Variants in GRAMD4 observed in about 807,000 individuals in gnomAD.
GRAMD4 encodes GRAM domain-containing protein 4.
A neutral mutation model predicts 83.9 loss-of-function variants in GRAMD4; 25 were observed. The ratio of observed to expected loss-of-function variants is 0.30; its 90% CI spans 0.22 to 0.42. The LOEUF is 0.42. GRAMD4 is among the 10% of genes least tolerant of loss of function. GRAMD4 has a pLI of 1.00. For synonymous variants in GRAMD4, 336 were observed against 320.9 expected, an observed-to-expected ratio of 1.05 and a Z score of -0.50; for missense variants, 593 against 788.7, an observed-to-expected ratio of 0.75 and a Z score of 2.97.
chr22:46,583,597 A>G (rs747233963), intron 1 of GRAMD4, among the ~76,000 whole-genome samples: 1 of 152,216 alleles, frequency 6.6e-6, no homozygotes, highest in Non-Finnish European at 1.5e-5. Flanking sequence ...ATCTCCATCC[A>G]TTGGAATTTG....
intron 1 of GRAMD4, among the ~76,000 whole-genome samples, chr22:46,606,736 T>C (rs1048010127): frequency 1.3e-5 from 2 of 152,262 alleles, no homozygotes; most frequent in Non-Finnish European, 2.9e-5. Flanking sequence ...TCATGCCCAG[T>C]GCTGAGCATC....
chr22:46,609,460 G>A (rs1240684106), intron 1 of GRAMD4, among the ~76,000 whole-genome samples: 2 of 152,258 alleles, frequency 1.3e-5, no homozygotes, highest in South Asian at 2.1e-4. Flanking sequence ...GTTGACAAAA[G>A]GGGAGGTAGT....
intron 2 of GRAMD4, among the ~76,000 whole-genome samples, chr22:46,630,827 G>A (rs1246508607): frequency 2.0e-5 from 3 of 152,228 alleles, no homozygotes; most frequent in Non-Finnish European, 4.4e-5. Flanking sequence ...GTGTGCCTGT[G>A]TGGTGGTCCT....
chr22:46,610,147 G>A (rs959588831), intron 1 of GRAMD4, among the ~76,000 whole-genome samples: 8 of 152,194 alleles, frequency 5.3e-5, no homozygotes, highest in South Asian at 4.1e-4. Flanking sequence ...CAGGGACCAC[G>A]CCTTATTCCT....
intron 1 of GRAMD4, among the ~76,000 whole-genome samples, chr22:46,614,504 C>T (rs973156162): frequency 6.6e-6 from 1 of 152,188 alleles, no homozygotes; most frequent in African/African-American, 2.4e-5. Flanking sequence ...GTGGCGTTCC[C>T]CTGCATGTCT....
Position 46,584,468 on chromosome 22 carries a change from C to A in GRAMD4, c.-50+7178C>A, listed in dbSNP as rs377281862. Among the ~76,000 whole-genome samples the A allele has an allele frequency of 6.8e-4, 103 of 152,284 alleles. 1 individual carries two copies. The highest frequency in any genetic ancestry group is 2.3e-3 in the African/African-American group (97 of 41,552). On this transcript the variant is annotated intron_variant, in intron 1 of 1. Transcript: ENST00000431155. The stretch of plus-strand genomic sequence containing the variant: ...ACTCTGATCCGTTTCCTGCATGGAT[C>A]TTTCTCGTCTCCTTTCTTGCAGATC...
At chr22:46,601,975 CTTCT>C (rs1432814164) in intron 1 of GRAMD4, among the ~76,000 whole-genome samples, 11 of 152,168 alleles carry the variant, frequency 7.2e-5, no homozygotes, top group African/African-American at 2.7e-4. Context: ...CTTGGGCATG[CTTCT>C]TTGTCTTTTT....
chr22:46,654,631 A>G (rs1368508605), intron 3 of GRAMD4, among the ~76,000 whole-genome samples: 1 of 152,170 alleles, frequency 6.6e-6, no homozygotes, highest in Non-Finnish European at 1.5e-5. Flanking sequence ...CGAATTCCCA[A>G]GTCCCCGCCT....
rs199513951 is a variant in GRAMD4 at position 46,666,805 on chromosome 22, G to A, written c.810-20G>A. 128 of 1,607,740 alleles carry A rather than the reference G, an allele frequency of 8.0e-5. 1 individual carries two copies. In the African/African-American group the frequency reaches 1.4e-3, roughly 18 times the overall value. On this transcript the variant is annotated intron_variant, in intron 9 of 18. Coordinates refer to ENST00000406902, the MANE Select transcript of GRAMD4 (RefSeq NM_015124.5). ...TCAGGTGGCGCTGTCCTAAAGGTGT[G>A]TGTGTTTTCTGTTCGCCAGGGGGTG...
chr22:46,619,299 G>A (rs1486878504), upstream of GRAMD4, among the ~76,000 whole-genome samples: 2 of 152,154 alleles, frequency 1.3e-5, no homozygotes, highest in African/African-American at 2.4e-5. Flanking sequence ...TTAGGGAGGT[G>A]CAAGTATGTG....
intron 2 of GRAMD4, among the ~76,000 whole-genome samples, chr22:46,627,405 C>T (rs889463960): frequency 6.6e-5 from 10 of 152,248 alleles, no homozygotes; most frequent in South Asian, 2.1e-4. Flanking sequence ...ATCAGCCACG[C>T]GGAATCAGGG....
At chr22:46,655,813 C>T (rs2147313703) in intron 3 of GRAMD4, among the ~76,000 whole-genome samples, 1 of 152,368 alleles carries the variant, frequency 6.6e-6, no homozygotes, top group African/African-American at 2.4e-5. Flanking sequence ...CGCCTTTGCT[C>T]AGCTCCGGGA....
Position 46,672,921 on chromosome 22 carries a change from C to T in GRAMD4, c.1163C>T (p.Thr388Met), listed in dbSNP as rs1223536842. The change falls in exon 14 of 19, where the codon ACG (threonine) becomes ATG (methionine). Residue 388 changes from threonine to methionine, a missense_variant. This residue lies in a region of GRAMD4 where 171 missense variants were observed against 199.6 expected (regional missense o/e 0.86). Coordinates refer to ENST00000406902, the MANE Select transcript of GRAMD4 (RefSeq NM_015124.5). The surrounding 1 kb of genome is among the most constrained non-coding windows in gnomAD (Gnocchi z 4.7). ...RCPRLRAKYDTPYIIWRSLPT... is the reference protein window; with the variant it reads ...RCPRLRAKYDMPYIIWRSLPT... Reference sequence around the variant, plus strand: ...CCGAGGCTGCGCGCCAAGTACGACACGCCCTATATCATCTGGAGGAGTCTC... The same window carrying T: ...CCGAGGCTGCGCGCCAAGTACGACATGCCCTATATCATCTGGAGGAGTCTC... 3.7e-6 allele frequency: 6 copies of T among 1,611,696 alleles called. No individual in the cohort carries two copies. The highest frequency in any genetic ancestry group is 1.7e-5 in the Admixed American group (1 of 59,992).
chr22:46,678,725 T>C lies in GRAMD4; in HGVS notation c.*1474T>C. 1.0e-6 allele frequency: 1 copy of C among 985,776 alleles called. No individual in the cohort carries two copies. 61.1% of individuals were successfully genotyped at this position (985,776 alleles called of 1,614,324 possible). A position where few individuals can be genotyped will look rare whatever the true frequency, so the allele number is the denominator to read the frequency against. On this transcript the variant is annotated 3_prime_UTR_variant, in exon 19 of 19. Coordinates refer to ENST00000406902, the MANE Select transcript of GRAMD4 (RefSeq NM_015124.5). ...CTTTTTCAGATGTAATTTTTATCTT[T>C]GCTCCGATCCTCATTTGCTGGTGTG...
At chr22:46,636,040 A>G (rs1453477250) in intron 2 of GRAMD4, among the ~76,000 whole-genome samples, 2 of 151,580 alleles carry the variant, frequency 1.3e-5, no homozygotes, top group African/African-American at 4.9e-5. Context: ...CTTCATGGGG[A>G]CGTTTAGCCC....
chr22:46,644,507 C>T (rs1274286646), intron 3 of GRAMD4, among the ~76,000 whole-genome samples: 10 of 152,066 alleles, frequency 6.6e-5, no homozygotes, highest in African/African-American at 2.2e-4. Flanking sequence ...TTCTGTGTTA[C>T]ACCTGCCCCT....
At chr22:46,586,679 T>C (rs2081153437) in intron 1 of GRAMD4, among the ~76,000 whole-genome samples, 4 of 152,218 alleles carry the variant, frequency 2.6e-5, no homozygotes, top group Admixed American at 1.3e-4. Flanking sequence ...GGGTCTCAGC[T>C]TCTCAGGGCG....
intron 1 of GRAMD4, among the ~76,000 whole-genome samples, chr22:46,592,309 G>C (rs925334056): frequency 2.0e-5 from 3 of 152,090 alleles, no homozygotes; most frequent in Non-Finnish European, 2.9e-5. Context: ...CTGCTTAATT[G>C]TACGATTAAA....
intron 13 of GRAMD4, among the ~76,000 whole-genome samples, chr22:46,669,913 T>C (rs1212878511): frequency 6.6e-6 from 1 of 152,206 alleles, no homozygotes; most frequent in African/African-American, 2.4e-5. Context: ...TTGTTTCTTT[T>C]CTTTTCTTTC....
Sources: allele counts gnomAD v4.1 joint callset (sites outside exome capture counted in the v4.1 genomes callset), GRCh38; gene constraint gnomAD v4.1.1; regional missense constraint gnomAD v4.1.1; non-coding constraint Gnocchi (gnomAD v3.1); transcripts MANE v1.5; gene names NCBI Gene and HGNC (gene_info 2026-07-23, HGNC 2026-07-21).